Variants in MGAM2 observed in about 807,000 individuals in gnomAD.
MGAM2 encodes probable maltase-glucoamylase 2.
Under a neutral mutation model 96.1 loss-of-function variants are expected in MGAM2, and 98 were observed. The ratio of observed to expected loss-of-function variants is 1.02; its 90% CI spans 0.87 to 1.21. The LOEUF is 1.21. MGAM2 is among the 50% of genes most tolerant of loss of function. The probability of loss-of-function intolerance (pLI) is 0.00; values close to 1 mark genes in which losing one functional copy is unlikely to be tolerated. For missense variants in MGAM2, 2,055 were observed against 1,182.4 expected (o/e 1.74, Z -10.82); for synonymous variants, 749 against 414.8 (o/e 1.81, Z -9.79).
At chr7:142,137,574 T>G (rs759959970) in intron 9 of MGAM2, 29 bp downstream of exon 9, 2 of 683,908 alleles carry the variant, frequency 2.9e-6, no homozygotes, top group South Asian at 3.1e-5. Flanking sequence ...ATAGTCATTA[T>G]TTACTGCTGT....
intron 35 of MGAM2, among the ~76,000 whole-genome samples, 158 bp from the exon 36 acceptor site, chr7:142,187,592 A>G (rs1460907078): frequency 6.6e-6 from 1 of 152,224 alleles, no homozygotes; most frequent in Non-Finnish European, 1.5e-5. Flanking sequence ...ACACATTTTT[A>G]GAGTCCATTT....
At chr7:142,136,862 T>C (rs1264104577) in intron 8 of MGAM2, among the ~76,000 whole-genome samples, 1 of 152,136 alleles carries the variant, frequency 6.6e-6, no homozygotes, top group Non-Finnish European at 1.5e-5. Flanking sequence ...TCTTCTTTGG[T>C]ATAATGTTTC....
chr7:142,115,141 T>C (rs1367645970), intron 1 of MGAM2, among the ~76,000 whole-genome samples: 4 of 152,086 alleles, frequency 2.6e-5, no homozygotes, highest in African/African-American at 7.2e-5. Flanking sequence ...CCCTTGAACC[T>C]GGGAGGTGGA....
In MGAM2 at chr7:142,219,908, G is replaced by A. The variant is rs1349533370; in HGVS notation, c.5397G>A (p.Leu1799=). The change falls in exon 48 of 48, where the codon CTG becomes CTA. Residue 1799 remains leucine, a synonymous_variant. Coordinates refer to ENST00000477922, the MANE Select transcript of MGAM2 (RefSeq NM_001293626.2). The part of the protein sequence containing the change: ...TIQLTDKTIN[L]EKLTEVTWID... ...AATTGACTGACAAGACTATCAACCT[G>A]GAAAAGTTAACTGAGGTTACTTGGA... 2 of 702,322 alleles carry A rather than the reference G, an allele frequency of 2.8e-6. No homozygotes were observed. The highest frequency in any genetic ancestry group is 5.2e-6 in the Non-Finnish European group (2 of 384,734). 43.5% of individuals were successfully genotyped at this position (702,322 alleles called of 1,614,324 possible). A position where few individuals can be genotyped will look rare whatever the true frequency, so the allele number is the denominator to read the frequency against.
intron 3 of MGAM2, among the ~76,000 whole-genome samples, chr7:142,124,715 T>G (rs1411830397): frequency 6.6e-6 from 1 of 152,206 alleles, no homozygotes; most frequent in East Asian, 1.9e-4. Flanking sequence ...TTCCTAAACA[T>G]GGTATATATC....
chr7:142,200,276 A>G (rs1047210896), intron 45 of MGAM2, among the ~76,000 whole-genome samples: 1 of 152,104 alleles, frequency 6.6e-6, no homozygotes, highest in Non-Finnish European at 1.5e-5. Context: ...TATCAGGCTG[A>G]TGGTTAATTC....
intron 1 of MGAM2, among the ~76,000 whole-genome samples, 174 bp downstream of exon 1, chr7:142,111,981 T>C (rs1817186456): frequency 6.7e-6 from 1 of 148,376 alleles, no homozygotes; most frequent in South Asian, 2.1e-4. Flanking sequence ...GATGAGATAG[T>C]TGATGGAGAG....
chr7:142,145,364 C>T (rs1563258824), intron 14 of MGAM2, among the ~76,000 whole-genome samples: 2 of 151,680 alleles, frequency 1.3e-5, no homozygotes, highest in South Asian at 4.2e-4. Flanking sequence ...TTCCTCCTTA[C>T]CCTCCCTTCC....
chr7:142,154,867 A>T (rs752957746), intron 17 of MGAM2, 22 bp downstream of exon 17: 1 of 702,482 alleles, frequency 1.4e-6, no homozygotes, highest in Non-Finnish European at 2.6e-6. Context: ...AAAAGAAGTG[A>T]TGGAAACTTT....
At chr7:142,212,298 A>T (rs990736567) in intron 46 of MGAM2, among the ~76,000 whole-genome samples, 8 of 152,230 alleles carry the variant, frequency 5.3e-5, no homozygotes, top group Non-Finnish European at 1.0e-4. Context: ...GCATCAACTA[A>T]TGGGCAAAAT....
rs1225855273 is a variant in MGAM2 at position 142,165,026 on chromosome 7, A to G, written c.2652+3A>G. ...TTGTCTACAATGCTTCCACAAAGGTAAGAGATCCTTCCATTCTGCAGGGCC... is the reference window on the plus strand; with the variant it reads ...TTGTCTACAATGCTTCCACAAAGGTGAGAGATCCTTCCATTCTGCAGGGCC... On this transcript the variant is annotated splice_donor_region_variant and intron_variant, in intron 24 of 47. Transcript: ENST00000477922. 3 of 697,426 alleles carry G rather than the reference A, an allele frequency of 4.3e-6. No homozygotes were observed. In the South Asian group the frequency reaches 4.5e-5, roughly 11 times the overall value. The allele number at this position is 697,426 out of a possible 1,614,324, so 43.2% of individuals were successfully genotyped here. A position where few individuals can be genotyped will look rare whatever the true frequency, so the allele number is the denominator to read the frequency against.
At position 142,154,231 on chromosome 7, in the gene MGAM2, G is replaced by A. The variant is rs998621542; in HGVS notation, c.1806+42G>A. On this transcript the variant is annotated intron_variant, in intron 16 of 47. Transcript: ENST00000477922. ...ACCAGGGAACTTTAACCCTTTGTCT[G>A]TTGACATTCTTTTAATTAGCAGTCT... 1.3e-5 allele frequency: 7 copies of A among 536,302 alleles called. No individual in the cohort carries two copies. The Admixed American group carries it at 1.7e-4, about 13-fold the overall frequency. 33.2% of individuals were successfully genotyped at this position (536,302 alleles called of 1,614,324 possible).
At chr7:142,190,542 G>A (rs1269843968) in intron 37 of MGAM2, among the ~76,000 whole-genome samples, 1 of 151,982 alleles carries the variant, frequency 6.6e-6, no homozygotes, top group African/African-American at 2.4e-5. Flanking sequence ...CCAAAGTGCT[G>A]GGATTATAGG....
chr7:142,145,859 T>G (rs1363659478), intron 14 of MGAM2, among the ~76,000 whole-genome samples: 1 of 152,172 alleles, frequency 6.6e-6, no homozygotes, highest in Admixed American at 6.5e-5. Context: ...CAGCTTAACC[T>G]CAAGGGAAGG....
intron 7 of MGAM2, among the ~76,000 whole-genome samples, chr7:142,135,690 C>T (rs1442697700): frequency 6.7e-6 from 1 of 150,178 alleles, no homozygotes; most frequent in East Asian, 2.0e-4. Context: ...GTATTCTAAT[C>T]TCAACTTCTT....
chr7:142,113,802 A>C (rs1213990819), intron 1 of MGAM2, among the ~76,000 whole-genome samples: 1 of 152,154 alleles, frequency 6.6e-6, no homozygotes, highest in Admixed American at 6.6e-5. Context: ...TAGTTTAAAA[A>C]AGAAGCCTAT....
chr7:142,112,780 T>C (rs537913786), intron 1 of MGAM2, among the ~76,000 whole-genome samples: 3 of 152,222 alleles, frequency 2.0e-5, no homozygotes, highest in Non-Finnish European at 4.4e-5. Flanking sequence ...TCAGCTTCAA[T>C]GCAGGGATTT....
chr7:142,117,008 C>G (rs1445265384), intron 2 of MGAM2, 29 bp downstream of exon 2: 5 of 702,842 alleles, frequency 7.1e-6, no homozygotes, highest in Middle Eastern at 2.3e-4. Context: ...GGTTGGAAGG[C>G]TGGGTAAAGG....
intron 25 of MGAM2, among the ~76,000 whole-genome samples, chr7:142,166,562 GA>G (rs1226764836): frequency 2.0e-5 from 3 of 152,164 alleles, no homozygotes; most frequent in African/African-American, 7.2e-5. Flanking sequence ...ACACAAGCAG[GA>G]AGGGTAAGGT....
Sources: allele counts gnomAD v4.1 joint callset (sites outside exome capture counted in the v4.1 genomes callset), GRCh38; gene constraint gnomAD v4.1.1; transcripts MANE v1.5; gene names NCBI Gene and HGNC (gene_info 2026-07-23, HGNC 2026-07-21).